The following KANSL2 variants were observed in gnomAD, a reference collection of about 807,000 sequenced individuals.
KANSL2 encodes NSL complex protein NSL2.
A neutral mutation model predicts 55.6 loss-of-function variants in KANSL2; 34 were observed. The ratio of observed to expected loss-of-function variants is 0.61; its 90% CI spans 0.46 to 0.81. KANSL2 has a LOEUF of 0.81. Ranked by LOEUF, KANSL2 falls within the 40% of genes least tolerant of loss-of-function variation. The pLI, the probability that KANSL2 is intolerant of heterozygous loss-of-function variation, is 0.00. For synonymous variants in KANSL2, 209 were observed against 214.3 expected (o/e 0.98, Z 0.22); for missense variants, 502 against 609.9 (o/e 0.82, Z 1.86).
rs944979430 is a variant in KANSL2, at chr12:48,669,356, C to T, written c.710-84G>A. The T allele has an allele frequency of 2.3e-5, 26 of 1,147,356 alleles. No individual in the cohort carries two copies. In the Admixed American group the frequency reaches 6.8e-4, roughly 30 times the overall value. 71.1% of individuals were successfully genotyped at this position (1,147,356 alleles called of 1,614,324 possible). ...AAGTCAACAAGTAAACAGGAAAATC[C>T]TTGGGCATAAGATAGGCAGTTTCAA... On this transcript the variant is annotated intron_variant, in intron 5 of 9. Transcript: ENST00000420613.
At position 48,653,441 on chromosome 12, in the gene KANSL2, TTTC is replaced by T. The variant is rs1939320167; in HGVS notation, c.*600_*602del. On this transcript the variant is annotated 3_prime_UTR_variant, in exon 10 of 10. Transcript: ENST00000420613. The stretch of plus-strand genomic sequence containing the variant: ...TGACTGTTTGATATTTTCATAACAT[TTTC>T]TTTAACATTTAATAGAAACTATATA... The T allele has an allele frequency of 6.6e-6, 1 of 152,618 alleles. No homozygotes were observed. Among genetic ancestry groups the T allele is most frequent in the South Asian group, 2.1e-4 (1 of 4,830 alleles). 9.5% of individuals were successfully genotyped at this position (152,618 alleles called of 1,614,324 possible).
At position 48,681,546 on chromosome 12, in the gene KANSL2, T is replaced by C. The variant is rs1939925781; in HGVS notation, c.87A>G (p.Ala29=). Residue 29 remains alanine (A), a synonymous_variant, in exon 2 of 10, where the codon GCA becomes GCG. Transcript: ENST00000420613. Reference sequence around the variant, plus strand: ...GGTGAGAGCATGGACGATGAGTGAATGCACAAGACAGAGGTTCCTGAGACC... The same window carrying C: ...GGTGAGAGCATGGACGATGAGTGAACGCACAAGACAGAGGTTCCTGAGACC... The part of the protein sequence containing the change: ...VPRSQEPLSC[A]FTHRPCSHPR... The C allele has an allele frequency of 1.2e-6, 2 of 1,613,890 alleles. No individual in the cohort carries two copies. Among genetic ancestry groups the C allele is most frequent in the Admixed American group, 3.3e-5 (2 of 59,986 alleles).
chr12:48,654,249 G>C, intron 9 of KANSL2, 74 bp from the exon 10 acceptor site: 3 of 1,439,462 alleles, frequency 2.1e-6, no homozygotes, highest in Admixed American at 3.9e-5. Context: ...TGACTTATCA[G>C]TGGCCACTTA....
chr12:48,681,041 G>C (rs1939915684), intron 2 of KANSL2, among the ~76,000 whole-genome samples: 1 of 151,380 alleles, frequency 6.6e-6, no homozygotes, highest in African/African-American at 2.4e-5. Flanking sequence ...AGCACTCTGG[G>C]AGGCCGAGAT....
chr12:48,655,105 T>C, intron 8 of KANSL2, 45 bp from the exon 9 acceptor site: 1 of 1,540,974 alleles, frequency 6.5e-7, no homozygotes, highest in Non-Finnish European at 8.8e-7. Flanking sequence ...AGGGAAACAG[T>C]AATAAAGTTG....
At chr12:48,680,015 A>C in intron 2 of KANSL2, 182 bp from the exon 3 acceptor site, 1 of 575,154 alleles carries the variant, frequency 1.7e-6, no homozygotes, top group Non-Finnish European at 3.0e-6. Flanking sequence ...TATTAAAGGG[A>C]AATAACAGGA....
intron 9 of KANSL2, 74 bp from the exon 10 acceptor site, chr12:48,654,249 G>T: frequency 6.9e-7 from 1 of 1,439,460 alleles, no homozygotes; most frequent in Non-Finnish European, 9.6e-7. Flanking sequence ...TGACTTATCA[G>T]TGGCCACTTA....
At chr12:48,679,882 T>C in intron 2 of KANSL2, 49 bp from the exon 3 acceptor site, 1 of 1,402,232 alleles carries the variant, frequency 7.1e-7, no homozygotes, top group Non-Finnish European at 9.7e-7. Flanking sequence ...TTGAAAGCGT[T>C]CAATAATGTT....
chr12:48,663,053 T>C (rs1447129989), intron 7 of KANSL2, among the ~76,000 whole-genome samples: 1 of 152,214 alleles, frequency 6.6e-6, no homozygotes, highest in African/African-American at 2.4e-5. Context: ...CTGTCATTCA[T>C]AAATTCTGTT....
In KANSL2 at chr12:48,682,214, G is replaced by A. The variant is rs1314574852; in HGVS notation, c.-37C>T. 5 of 650,970 alleles carry A rather than the reference G, an allele frequency of 7.7e-6. No individual in the cohort carries two copies. The highest frequency in any genetic ancestry group is 1.4e-5 in the Non-Finnish European group (5 of 359,424). 40.3% of individuals were successfully genotyped at this position (650,970 alleles called of 1,614,324 possible). A position where few individuals can be genotyped will look rare whatever the true frequency, so the allele number is the denominator to read the frequency against. ...CAGGAGCTGCGCTGCGCCGCACTCT[G>A]CCGCGCCGCTCGCCCTTCTCTAGTG... On this transcript the variant is annotated 5_prime_UTR_variant, in exon 1 of 10. Coordinates refer to ENST00000420613, the MANE Select transcript of KANSL2 (RefSeq NM_017822.4).
rs184048897 is a variant in KANSL2 at position 48,654,998 on chromosome 12, T to G, written c.1290A>C (p.Ser430=). 1.3e-5 allele frequency: 20 copies of G among 1,587,270 alleles called. No homozygotes were observed. In the African/African-American group the frequency reaches 2.1e-4, roughly 17 times the overall value. Residue 430 remains serine (S), a synonymous_variant, in exon 9 of 10, where the codon TCA becomes TCC. Transcript: ENST00000420613. ...TGACTAAATGATCTTCAAGGGTTAG[T>G]GAAGGATCAAAAAGCAAAGGTGAAG... ...CPPSPLLFDP[S]LTLEDHLVKE... is the part of the protein sequence containing the mutation.
chr12:48,676,351 C>T (rs555949102), intron 4 of KANSL2, among the ~76,000 whole-genome samples: 1 of 152,226 alleles, frequency 6.6e-6, no homozygotes, highest in African/African-American at 2.4e-5. Flanking sequence ...AGCAATCCTC[C>T]CACCTCGACC....
chr12:48,654,297 G>A, intron 9 of KANSL2, 122 bp from the exon 10 acceptor site: 6 of 1,039,122 alleles, frequency 5.8e-6, no homozygotes, highest in Non-Finnish European at 9.0e-6. Flanking sequence ...AATTAATTCT[G>A]GACAGATGCT....
At chr12:48,679,014 C>A (rs758209296) in intron 4 of KANSL2, 22 bp downstream of exon 4, 3 of 1,512,822 alleles carry the variant, frequency 2.0e-6, no homozygotes, top group Non-Finnish European at 2.8e-6. Flanking sequence ...TTTCAAATGC[C>A]TTATGTGGAG....
At chr12:48,675,280 C>A (rs781691008) in intron 4 of KANSL2, among the ~76,000 whole-genome samples, 45 of 151,754 alleles carry the variant, frequency 3.0e-4, no homozygotes, top group Non-Finnish European at 5.9e-4. Flanking sequence ...GCGGCGTGCG[C>A]CTGTAGTCCC....
At chr12:48,654,335 T>A (rs1939336170) in intron 9 of KANSL2, 160 bp from the exon 10 acceptor site, 1 of 864,594 alleles carries the variant, frequency 1.2e-6, no homozygotes, top group Non-Finnish European at 2.0e-6. Context: ...CCTAGTCCCT[T>A]GGAAGAGCCT....
At chr12:48,673,041 G>C (rs1438902962) in intron 4 of KANSL2, among the ~76,000 whole-genome samples, 1 of 152,104 alleles carries the variant, frequency 6.6e-6, no homozygotes, top group African/African-American at 2.4e-5. Flanking sequence ...TTACAGGCAT[G>C]AGCCACTGTG....
intron 4 of KANSL2, among the ~76,000 whole-genome samples, chr12:48,675,279 G>T (rs532177694): frequency 6.6e-6 from 1 of 151,756 alleles, no homozygotes; most frequent in Admixed American, 6.6e-5. Flanking sequence ...AGCGGCGTGC[G>T]CCTGTAGTCC....
intron 7 of KANSL2, among the ~76,000 whole-genome samples, chr12:48,661,729 C>T (rs1212911744): frequency 6.6e-6 from 1 of 152,138 alleles, no homozygotes; most frequent in Admixed American, 6.5e-5. Context: ...ACTAAACTCT[C>T]AAGCAGGGTG....
Sources: gnomAD v4.1 joint callset for allele counts (sites outside exome capture counted in the v4.1 genomes callset) on GRCh38, gnomAD v4.1.1 for gene constraint, MANE v1.5 for transcripts, NCBI Gene and HGNC (gene_info 2026-07-23, HGNC 2026-07-21) for gene names.